TNFAIP8: variants seen among roughly 807,000 people sequenced by gnomAD.
TNFAIP8 encodes tumor necrosis factor alpha-induced protein 8.
A neutral mutation model predicts 13.3 loss-of-function variants in TNFAIP8; 7 were observed. The ratio of observed to expected loss-of-function variants is 0.52; its 90% CI spans 0.30 to 0.99. The LOEUF is 0.99. TNFAIP8 is among the 50% of genes least tolerant of loss of function. The probability of loss-of-function intolerance (pLI) is 0.07; values close to 1 mark genes in which losing one functional copy is unlikely to be tolerated. For synonymous variants in TNFAIP8, 94 were observed against 87.6 expected (o/e 1.07, Z -0.41); for missense variants, 258 against 236.9 (o/e 1.09, Z -0.58).
chr5:119,378,986 C>A (rs1218206562), intron 1 of TNFAIP8, among the ~76,000 whole-genome samples: 1 of 152,046 alleles, frequency 6.6e-6, no homozygotes. Flanking sequence ...TCTCTTGAGC[C>A]CAGGAGTTCA....
intron 1 of TNFAIP8, among the ~76,000 whole-genome samples, chr5:119,324,188 T>G (rs1581604703): frequency 7.3e-6 from 1 of 136,376 alleles, no homozygotes; most frequent in South Asian, 2.4e-4. Flanking sequence ...GGCAGGAAAA[T>G]CACCTGAACC....
At chr5:119,282,303 A>G (rs1340199932) in intron 1 of TNFAIP8, among the ~76,000 whole-genome samples, 1 of 152,160 alleles carries the variant, frequency 6.6e-6, no homozygotes, top group Non-Finnish European at 1.5e-5. Flanking sequence ...CTAAATATAT[A>G]TTTGTTTATG....
At chr5:119,367,363 G>T (rs956697720) in intron 1 of TNFAIP8, among the ~76,000 whole-genome samples, 1 of 152,144 alleles carries the variant, frequency 6.6e-6, no homozygotes, top group Non-Finnish European at 1.5e-5. Flanking sequence ...TAAATGAAAC[G>T]TGGAATGTCA....
intron 1 of TNFAIP8, among the ~76,000 whole-genome samples, chr5:119,318,611 G>A (rs1226412598): frequency 6.6e-6 from 1 of 151,844 alleles, no homozygotes; most frequent in African/African-American, 2.4e-5. Flanking sequence ...CTAAATTGAT[G>A]TACATATGAA....
chr5:119,370,377 A>T (rs548675838), intron 1 of TNFAIP8, among the ~76,000 whole-genome samples: 1 of 152,250 alleles, frequency 6.6e-6, no homozygotes, highest in Admixed American at 6.5e-5. Flanking sequence ...GAGGCTTTCA[A>T]ACCCTAATTC....
intron 1 of TNFAIP8, among the ~76,000 whole-genome samples, chr5:119,347,824 T>C (rs139478347): frequency 3.1e-4 from 47 of 152,354 alleles, no homozygotes; most frequent in African/African-American, 9.4e-4. Flanking sequence ...CAAGCCTATG[T>C]CAGCCTTTTC....
intron 1 of TNFAIP8, among the ~76,000 whole-genome samples, chr5:119,312,745 CAAAAAAAAA>C (rs869226026): frequency 4.6e-5 from 2 of 43,356 alleles, no homozygotes; most frequent in Admixed American, 2.9e-4. Context: ...GCAAAAAATA[CAAAAAAAAA>C]AAAAAAAAAA....
chr5:119,387,240 T>C (rs1426503628), intron 1 of TNFAIP8, among the ~76,000 whole-genome samples: 3 of 152,200 alleles, frequency 2.0e-5, no homozygotes, highest in Non-Finnish European at 2.9e-5. Flanking sequence ...GCTGACTTTT[T>C]ACTAAGTCCC....
intron 1 of TNFAIP8, among the ~76,000 whole-genome samples, chr5:119,303,719 G>A (rs1452453992): frequency 5.3e-5 from 8 of 152,208 alleles, no homozygotes; most frequent in African/African-American, 1.7e-4. Flanking sequence ...GGGAGACAGA[G>A]AGAGCCTCTT....
chr5:119,293,590 G>A (rs902068036), intron 1 of TNFAIP8, among the ~76,000 whole-genome samples: 2 of 152,048 alleles, frequency 1.3e-5, no homozygotes, highest in African/African-American at 4.8e-5. Context: ...TATTTATTCC[G>A]GATGAGGAAA....
At chr5:119,312,110 G>A (rs1297014671) in intron 1 of TNFAIP8, among the ~76,000 whole-genome samples, 2 of 152,184 alleles carry the variant, frequency 1.3e-5, no homozygotes, top group Non-Finnish European at 2.9e-5. Context: ...GTAGGGCAAA[G>A]GATAGGCATG....
chr5:119,277,634 T>C (rs931651082), intron 1 of TNFAIP8, among the ~76,000 whole-genome samples: 5 of 152,316 alleles, frequency 3.3e-5, no homozygotes, highest in East Asian at 3.9e-4. Flanking sequence ...TTCTGAGATA[T>C]TGGGAGTTAA....
At chr5:119,303,837 A>C (rs1002556115) in intron 1 of TNFAIP8, among the ~76,000 whole-genome samples, 7 of 152,216 alleles carry the variant, frequency 4.6e-5, no homozygotes, top group Non-Finnish European at 5.9e-5. Flanking sequence ...AGCCACACTT[A>C]GTTTCTAGAA....
chr5:119,367,037 C>T (rs553512826), intron 1 of TNFAIP8, among the ~76,000 whole-genome samples: 32 of 152,292 alleles, frequency 2.1e-4, no homozygotes, highest in African/African-American at 6.5e-4. Context: ...ATTATAATTG[C>T]TGCTAGGAGA....
At chr5:119,325,145 C>T (rs568293593) in intron 1 of TNFAIP8, among the ~76,000 whole-genome samples, 2 of 151,974 alleles carry the variant, frequency 1.3e-5, no homozygotes, top group Non-Finnish European at 2.9e-5. Context: ...TTAATCAGTC[C>T]CCATGTGGAT....
intron 1 of TNFAIP8, among the ~76,000 whole-genome samples, chr5:119,368,886 C>G (rs989111483): frequency 6.6e-6 from 1 of 152,026 alleles, no homozygotes; most frequent in Non-Finnish European, 1.5e-5. Context: ...ATGATGGGAG[C>G]AGGCCTGAGT....
intron 1 of TNFAIP8, among the ~76,000 whole-genome samples, chr5:119,341,932 C>T (rs1221436965): frequency 1.3e-5 from 2 of 151,596 alleles, no homozygotes; most frequent in African/African-American, 4.9e-5. Context: ...GGGTTAGTGG[C>T]CAGGGCAGAA....
At chr5:119,277,174 CT>C (rs1748480130) in intron 1 of TNFAIP8, among the ~76,000 whole-genome samples, 1 of 152,192 alleles carries the variant, frequency 6.6e-6, no homozygotes, top group African/African-American at 2.4e-5. Flanking sequence ...CACACTGCAA[CT>C]GTGGAAACCG....
At chr5:119,372,183 A>C (rs748854068) in intron 1 of TNFAIP8, among the ~76,000 whole-genome samples, 3 of 151,712 alleles carry the variant, frequency 2.0e-5, no homozygotes, top group Non-Finnish European at 4.4e-5. Context: ...TTTTTAAATT[A>C]GCCAACTGTG....
Sources: allele counts gnomAD v4.1 joint callset (sites outside exome capture counted in the v4.1 genomes callset), GRCh38; gene constraint gnomAD v4.1.1; transcripts MANE v1.5; gene names NCBI Gene and HGNC (gene_info 2026-07-23, HGNC 2026-07-21).